Variants in LPXN observed in about 807,000 individuals in gnomAD.
LPXN encodes the protein leupaxin.
A neutral mutation model predicts 45.6 loss-of-function variants in LPXN; 28 were observed. That is an observed-to-expected ratio of 0.61 (90% CI 0.45 to 0.84). LPXN has a LOEUF of 0.84. Ranked by LOEUF, LPXN falls within the 40% of genes least tolerant of loss-of-function variation. LPXN has a pLI of 0.00. For synonymous variants in LPXN, 166 were observed against 169.9 expected, an observed-to-expected ratio of 0.98 and a Z score of 0.18; for missense variants, 459 against 475.0, an observed-to-expected ratio of 0.97 and a Z score of 0.31.
chr11:58,527,240 A>C lies in LPXN; in HGVS notation c.*214T>G. 1 of 527,644 alleles carries C rather than the reference A, an allele frequency of 1.9e-6. No individual in the cohort carries two copies. The highest frequency in any genetic ancestry group is 3.4e-6 in the Non-Finnish European group (1 of 296,328). The allele number at this position is 527,644 out of a possible 1,614,324, so 32.7% of individuals were successfully genotyped here. On this transcript the variant is annotated 3_prime_UTR_variant, in exon 9 of 9. Coordinates refer to ENST00000395074, the MANE Select transcript of LPXN (RefSeq NM_004811.3). ...GTGCTTGATTGGAGAAGAGAGGGAG[A>C]AAGAGAATTTATAGAATTAACTGTA...
At chr11:58,573,011 C>T (rs7110210) in intron 1 of LPXN, among the ~76,000 whole-genome samples, 30,068 of 151,994 alleles carry the variant, frequency 0.2, 3,187 homozygotes, top group Middle Eastern at 0.31. Flanking sequence ...TTTGAGAGGC[C>T]GAGGCGGGCG....
chr11:58,533,696 C>T (rs569901646), intron 7 of LPXN, among the ~76,000 whole-genome samples: 1 of 152,286 alleles, frequency 6.6e-6, no homozygotes, highest in Non-Finnish European at 1.5e-5. Flanking sequence ...TGTAAATGGA[C>T]TAAATGTCCC....
Position 58,575,808 on chromosome 11 carries a change from G to A in LPXN, c.-36C>T, listed in dbSNP as rs368924901. ...CCAAGATGCTCTTGTCTCACAGGCC[G>A]TGAGGAACAGCTTTGGCATGTGCTG... On this transcript the variant is annotated 5_prime_UTR_variant, in exon 1 of 9. In the 5' UTR this introduces an upstream ATG that the reference lacks. Coordinates refer to ENST00000395074, the MANE Select transcript of LPXN (RefSeq NM_004811.3). 3.9e-5 allele frequency: 63 copies of A among 1,614,148 alleles called. No individual in the cohort carries two copies. The highest frequency in any genetic ancestry group is 1.1e-4 in the South Asian group (10 of 91,076).
chr11:58,561,346 T>C (rs558155056), intron 3 of LPXN, among the ~76,000 whole-genome samples: 9 of 152,318 alleles, frequency 5.9e-5, no homozygotes, highest in African/African-American at 2.2e-4. Context: ...TGTCCACTTA[T>C]TTTTGATCAC....
chr11:58,575,940 C>CTT (rs753299345), upstream of LPXN: 804 of 1,185,252 alleles, frequency 6.8e-4, no homozygotes, highest in East Asian at 2.2e-3. Context: ...ATTTGGTGAG[C>CTT]TTTTTTTTTT....
At chr11:58,562,263 T>C (rs1175802367) in intron 3 of LPXN, among the ~76,000 whole-genome samples, 2 of 152,248 alleles carry the variant, frequency 1.3e-5, no homozygotes, top group African/African-American at 4.8e-5. Flanking sequence ...GAGCTAGTAT[T>C]GAAAATACTT....
chr11:58,576,077 C>T (rs546936729), upstream of LPXN, among the ~76,000 whole-genome samples: 485 of 151,974 alleles, frequency 3.2e-3, 2 homozygotes, highest in African/African-American at 0.011. Context: ...ATTTGAGGAC[C>T]TACTCTGTGC....
At chr11:58,537,864 T>C (rs954292879) in intron 7 of LPXN, among the ~76,000 whole-genome samples, 11 of 150,772 alleles carry the variant, frequency 7.3e-5, no homozygotes, top group Admixed American at 7.2e-4. Flanking sequence ...GCTGGTGTGC[T>C]GCACCCATTA....
At chr11:58,576,319 G>GT (rs1565209269), upstream of LPXN, among the ~76,000 whole-genome samples, 1 of 152,040 alleles carries the variant, frequency 6.6e-6, no homozygotes, top group African/African-American at 2.4e-5. Flanking sequence ...TGCATGGAAC[G>GT]TAAATCCTTA....
At chr11:58,554,815 C>T (rs750865199) in intron 4 of LPXN, 26 bp downstream of exon 4, 2 of 1,595,568 alleles carry the variant, frequency 1.3e-6, no homozygotes, top group Admixed American at 1.7e-5. Flanking sequence ...TCACCTTGGC[C>T]TGCACTCACC....
chr11:58,551,175 C>G lies in LPXN; in HGVS notation c.376G>C (p.Ala126Pro). The change falls in exon 5 of 9, where the codon GCC becomes CCC. Residue 126 changes from alanine (A) to proline (P), a missense_variant. Coordinates refer to ENST00000395074, the MANE Select transcript of LPXN (RefSeq NM_004811.3). ...CCCCCAAGCATTGAGTCCAGGGAGG[C>G]CTTGTGATCCTGCTTGTCTGGTAAG... The part of the protein sequence containing the change: ...KHLPDKQDHK[A>P]SLDSMLGGLE... 3 of 1,611,734 alleles carry G rather than the reference C, an allele frequency of 1.9e-6. No homozygotes were observed. Among genetic ancestry groups the G allele is most frequent in the Non-Finnish European group, 2.5e-6 (3 of 1,178,956 alleles).
chr11:58,539,028 A>C (rs1211780845), intron 7 of LPXN, among the ~76,000 whole-genome samples: 2 of 152,160 alleles, frequency 1.3e-5, no homozygotes, highest in Non-Finnish European at 2.9e-5. Context: ...AGATTCTATC[A>C]GGGCGCAGTG....
At chr11:58,551,026 C>A (rs749786436) in intron 5 of LPXN, 39 bp downstream of exon 5, 4 of 1,505,498 alleles carry the variant, frequency 2.7e-6, no homozygotes, top group East Asian at 2.5e-5. Context: ...CAGAGAGAGA[C>A]AAAGAAGGCT....
chr11:58,537,989 T>C (rs1386320483), intron 7 of LPXN, among the ~76,000 whole-genome samples: 1 of 145,736 alleles, frequency 6.9e-6, no homozygotes, highest in Non-Finnish European at 1.5e-5. Context: ...GTTCTCACTG[T>C]TCAATTCCCA....
intron 3 of LPXN, among the ~76,000 whole-genome samples, chr11:58,555,225 C>G (rs2510554): frequency 6.6e-6 from 1 of 152,138 alleles, no homozygotes; most frequent in East Asian, 1.9e-4. Flanking sequence ...GAATATAGAG[C>G]AGGCATCAAC....
upstream of LPXN, among the ~76,000 whole-genome samples, chr11:58,578,378 G>T (rs1210712339): frequency 6.6e-6 from 1 of 152,196 alleles, no homozygotes; most frequent in Non-Finnish European, 1.5e-5. Context: ...CTAAAGCCTA[G>T]GCGAAATAAG....
At chr11:58,534,880 T>C (rs77221634) in intron 7 of LPXN, among the ~76,000 whole-genome samples, 4 of 152,164 alleles carry the variant, frequency 2.6e-5, no homozygotes, top group African/African-American at 9.7e-5. Flanking sequence ...AATCAGAGAA[T>C]ACTGTAAACA....
In LPXN at chr11:58,564,300, T is replaced by C. The variant is rs538401055; in HGVS notation, c.172-99A>G. On this transcript the variant is annotated intron_variant, in intron 2 of 8. Coordinates refer to ENST00000395074, the MANE Select transcript of LPXN (RefSeq NM_004811.3). The stretch of plus-strand genomic sequence containing the variant: ...CCACAGTTAATAGATGTTTGTAGCT[T>C]TTAAAGGGGACTGACAAGTGGCATA... 3.9e-6 allele frequency: 3 copies of C among 776,212 alleles called. No individual in the cohort carries two copies. The highest frequency in any genetic ancestry group is 2.6e-5 in the East Asian group (1 of 39,196). 48.1% of individuals were successfully genotyped at this position (776,212 alleles called of 1,614,324 possible). A position where few individuals can be genotyped will look rare whatever the true frequency, so the allele number is the denominator to read the frequency against.
chr11:58,545,471 T>C (rs911471972), intron 7 of LPXN, among the ~76,000 whole-genome samples: 3 of 152,206 alleles, frequency 2.0e-5, no homozygotes, highest in Non-Finnish European at 4.4e-5. Context: ...TATAAATTTA[T>C]TGTGACACAA....
Sources: allele counts gnomAD v4.1 joint callset (sites outside exome capture counted in the v4.1 genomes callset), GRCh38; gene constraint gnomAD v4.1.1; transcripts MANE v1.5; gene names NCBI Gene and HGNC (gene_info 2026-07-23, HGNC 2026-07-21).